Variants in CNTN4 observed in about 807,000 individuals in gnomAD.
CNTN4 encodes contactin 4.
CNTN4 carries 77 observed loss-of-function variants against 122.5 expected under a neutral mutation model. The ratio of observed to expected loss-of-function variants is 0.63; its 90% confidence interval spans 0.52 to 0.76. CNTN4 has a LOEUF of 0.76. Among genes scored for constraint, CNTN4 ranks in the 30% least tolerant of loss-of-function variants. The probability of loss-of-function intolerance (pLI) is 0.00; values close to 1 mark genes in which losing one functional copy is unlikely to be tolerated. For missense variants in CNTN4, 1,256 were observed against 1,259.1 expected (o/e 1.00, Z 0.04); for synonymous variants, 512 against 447.0 (o/e 1.15, Z -1.83).
chr3:2,653,949 G>A lies in CNTN4; in HGVS notation c.56-82266G>A, dbSNP rs894511717. ...AAGGCCAACTAGCAGCTAGAAAACAGTAAGTTTGGGACTGTAAACAGTTAC... is the reference window on the plus strand; with the variant it reads ...AAGGCCAACTAGCAGCTAGAAAACAATAAGTTTGGGACTGTAAACAGTTAC... On this transcript the variant is annotated intron_variant, in intron 4 of 24. Transcript: ENST00000418658. Among the ~76,000 whole-genome samples the A allele has an allele frequency of 2.0e-5, 3 of 152,310 alleles. No homozygotes were observed. The South Asian group carries it at 6.2e-4, about 32-fold the overall frequency.
intron 4 of CNTN4, among the ~76,000 whole-genome samples, chr3:2,606,205 C>G (rs2081251668): frequency 6.6e-6 from 1 of 152,046 alleles, no homozygotes; most frequent in South Asian, 2.1e-4. Context: ...CTTGGCAGGA[C>G]AGGGAAGAAT....
intron 3 of CNTN4, among the ~76,000 whole-genome samples, chr3:2,364,645 A>G (rs1293265732): frequency 6.6e-6 from 1 of 152,120 alleles, no homozygotes; most frequent in African/African-American, 2.4e-5. Context: ...TGAAGCAAAT[A>G]AAGTCAATGG....
rs757918570 is a variant in CNTN4, at chr3:2,745,666, T to C, written c.327T>C (p.Ile109=). 6 of 1,614,098 alleles carry C rather than the reference T, an allele frequency of 3.7e-6. No homozygotes were observed. The highest frequency in any genetic ancestry group is 5.1e-6 in the Non-Finnish European group (6 of 1,179,964). The change falls in exon 6 of 25, where the codon ATT becomes ATC. Residue 109 remains isoleucine (I), a synonymous_variant. Transcript: ENST00000418658. ...CAGCGACAAACTCGTTTGGAACAATTGTTAGCAGAGAAGCAAAGCTTCAGT... is the reference window on the plus strand; with the variant it reads ...CAGCGACAAACTCGTTTGGAACAATCGTTAGCAGAGAAGCAAAGCTTCAGT... ...QCTATNSFGT[I]VSREAKLQFA...
In CNTN4 at chr3:2,709,312, C is replaced by G. The variant is rs34318160; in HGVS notation, c.56-26903C>G. On this transcript the variant is annotated intron_variant, in intron 4 of 24. Coordinates refer to ENST00000418658, the MANE Select transcript of CNTN4 (RefSeq NM_175607.3). This position sits in a 1 kb window ranked among gnomAD's most constrained non-coding sequence, Gnocchi z 5.0. ...ATAATTAGTACAGTGTGATTCTCAA[C>G]CTTGGCTGCATATTAGAATCATCTG... is the stretch of plus-strand genomic sequence containing the variant. Among the ~76,000 whole-genome samples the G allele has an allele frequency of 0.23, 35,094 of 152,080 alleles. 4,959 individuals are homozygous for G. Among genetic ancestry groups the G allele is most frequent in the Non-Finnish European group, 0.32 (21,913 of 67,970 alleles).
chr3:2,407,881 C>G (rs1387684950), intron 3 of CNTN4, among the ~76,000 whole-genome samples: 1 of 152,122 alleles, frequency 6.6e-6, no homozygotes, highest in African/African-American at 2.4e-5. Context: ...TGTGATGAGT[C>G]TAAATTGTTG....
At chr3:2,889,365 C>G (rs1035442485) in intron 10 of CNTN4, among the ~76,000 whole-genome samples, 1 of 152,218 alleles carries the variant, frequency 6.6e-6, no homozygotes, top group Non-Finnish European at 1.5e-5. Flanking sequence ...AAAGGACTGA[C>G]TCTCCTCATG....
At chr3:2,712,379 G>A (rs2087202842) in intron 4 of CNTN4, among the ~76,000 whole-genome samples, 1 of 152,106 alleles carries the variant, frequency 6.6e-6, no homozygotes, top group African/African-American at 2.4e-5. Flanking sequence ...AGTTGCCATA[G>A]GGAGATAAAA....
At chr3:2,568,377 G>GAGATGAGAGAAAGCAATGAGAGAAA (rs1409734550) in intron 3 of CNTN4, among the ~76,000 whole-genome samples, 1 of 147,064 alleles carries the variant, frequency 6.8e-6, no homozygotes, top group African/African-American at 2.5e-5. Context: ...ATCTCCTCCT[G>GAGATGAGAGAAAGCAATGAGAGAAA]GCTCAATGAG....
chr3:2,368,995 G>C (rs2045525329), intron 3 of CNTN4, among the ~76,000 whole-genome samples: 1 of 152,086 alleles, frequency 6.6e-6, no homozygotes, highest in Non-Finnish European at 1.5e-5. Flanking sequence ...CAAGATCTCG[G>C]CTCCCTGCAA....
chr3:2,800,909 C>T (rs2092332080), intron 6 of CNTN4, among the ~76,000 whole-genome samples: 4 of 152,178 alleles, frequency 2.6e-5, no homozygotes, highest in Admixed American at 1.3e-4. Flanking sequence ...CAGGTCTCTA[C>T]TCAAACGCAC....
rs193219678 is a variant in CNTN4, at chr3:2,591,929, A to G, written c.55+20371A>G. Among the ~76,000 whole-genome samples the G allele has an allele frequency of 9.9e-5, 15 of 151,994 alleles. No individual in the cohort carries two copies. The East Asian group carries it at 2.7e-3, about 27-fold the overall frequency. ...GTCTCGTTCTGTGAGACCAGGCTGG[A>G]GTAAGTAGTGCAATCATAGCTCACT... On this transcript the variant is annotated intron_variant, in intron 4 of 24. Transcript: ENST00000418658.
At chr3:2,988,496 G>A (rs760059851) in intron 14 of CNTN4, 24 bp downstream of exon 14, 10 of 1,612,464 alleles carry the variant, frequency 6.2e-6, no homozygotes, top group East Asian at 2.2e-5. Flanking sequence ...CAAAGAATTC[G>A]AATATTTATA....
rs561938109 is a variant in CNTN4 at position 2,981,968 on chromosome 3, T to A, written c.1359-6377T>A. ...CGAGAGAATCGCATGTACCCAGGAG[T>A]TGGAAGTTGCAGTGAGCCGAGATCG... On this transcript the variant is annotated intron_variant, in intron 13 of 24. Coordinates refer to ENST00000418658, the MANE Select transcript of CNTN4 (RefSeq NM_175607.3). Among the ~76,000 whole-genome samples the A allele has an allele frequency of 2.6e-5, 4 of 151,904 alleles. No homozygotes were observed. The East Asian group carries it at 7.7e-4, about 29-fold the overall frequency.
intron 4 of CNTN4, among the ~76,000 whole-genome samples, chr3:2,696,751 C>T (rs531391023): frequency 1.8e-3 from 281 of 152,268 alleles, no homozygotes; most frequent in African/African-American, 6.4e-3. Context: ...TGCTTCATTG[C>T]TTCTCTGACC....
chr3:2,728,206 C>A (rs146275537), intron 4 of CNTN4, among the ~76,000 whole-genome samples: 26 of 152,304 alleles, frequency 1.7e-4, no homozygotes, highest in African/African-American at 5.8e-4. Flanking sequence ...ATCACTCTTA[C>A]AGTATTTCAT....
intron 3 of CNTN4, among the ~76,000 whole-genome samples, chr3:2,446,565 A>G (rs1279161106): frequency 2.0e-5 from 3 of 152,164 alleles, no homozygotes; most frequent in African/African-American, 7.2e-5. Flanking sequence ...CCAGTACATT[A>G]TCCTGCAGCT....
rs78856347 is a variant in CNTN4 at position 2,440,578 on chromosome 3, G to C, written c.-89+101345G>C. 3.7e-3 allele frequency among the ~76,000 whole-genome samples: 566 copies of C among 152,124 alleles called. 4 individuals are homozygous for C. Among genetic ancestry groups the C allele is most frequent in the African/African-American group, 0.013 (553 of 41,530 alleles). ...TGTCGTGTGAGTGTATTTGAGAATA[G>C]AGACATGTGTTTGTCTTTGAATGAT... On this transcript the variant is annotated intron_variant, in intron 3 of 24. Coordinates refer to ENST00000418658, the MANE Select transcript of CNTN4 (RefSeq NM_175607.3).
At chr3:2,618,194 C>G (rs1455375676) in intron 4 of CNTN4, among the ~76,000 whole-genome samples, 4 of 151,876 alleles carry the variant, frequency 2.6e-5, no homozygotes, top group Admixed American at 6.6e-5. Flanking sequence ...GAAAACAGTT[C>G]TTAGAACAAT....
At position 2,952,009 on chromosome 3, in the gene CNTN4, G is replaced by A. The variant is rs111999241; in HGVS notation, c.1358+26230G>A. 6.2e-3 allele frequency among the ~76,000 whole-genome samples: 946 copies of A among 152,292 alleles called. 12 individuals are homozygous for A. The highest frequency in any genetic ancestry group is 0.021 in the African/African-American group (858 of 41,572). On this transcript the variant is annotated intron_variant, in intron 13 of 24. Transcript: ENST00000418658. ...TCCCAACTCTATACCCAGGTGCCAG[G>A]AAGGTTCTAAAAGTCAGTAAACACA...
Sources: allele counts gnomAD v4.1 joint callset (sites outside exome capture counted in the v4.1 genomes callset), GRCh38; gene constraint gnomAD v4.1.1; non-coding constraint Gnocchi (gnomAD v3.1); transcripts MANE v1.5; gene names NCBI Gene and HGNC (gene_info 2026-07-23, HGNC 2026-07-21).